The following CCHCR1 variants were observed in gnomAD, a reference collection of about 807,000 sequenced individuals.
The protein encoded by CCHCR1 is HCR (a-helix coiled-coil rod homologue).
CCHCR1 carries 91 observed loss-of-function variants against 114.6 expected under a neutral mutation model. That is an observed-to-expected ratio of 0.79 (90% CI 0.67 to 0.94). The LOEUF is 0.94. Ranked by LOEUF, CCHCR1 falls within the 40% of genes least tolerant of loss-of-function variation. The probability of loss-of-function intolerance (pLI) is 0.00; values close to 1 mark genes in which losing one functional copy is unlikely to be tolerated. For missense variants in CCHCR1, 899 were observed against 1,079.9 expected (o/e 0.83, Z 2.35); for synonymous variants, 379 against 428.5 (o/e 0.88, Z 1.43).
chr6:31,145,616 C>T (rs1774221122), intron 11 of CCHCR1, 80 bp downstream of exon 11: 1 of 1,427,208 alleles, frequency 7.0e-7, no homozygotes, highest in Non-Finnish European at 9.9e-7. Flanking sequence ...GATGTGGGAT[C>T]AGAGAGAGCT....
At chr6:31,149,151 C>CAAAAAAAAA (rs3064836) in intron 8 of CCHCR1, 2 of 120,862 alleles carry the variant, frequency 1.7e-5, no homozygotes, top group African/African-American at 6.4e-5. Context: ...GACTCCTTCT[C>CAAAAAAAAA]AAAAAAAAAA....
In CCHCR1 at chr6:31,154,764, T is replaced by C; in HGVS notation, c.533A>G (p.Gln178Arg). Residue 178 changes from glutamine to arginine, a missense_variant, in exon 4 of 18, where the codon CAG becomes CGG. Gln to Arg is a conservative substitution (Grantham distance 43, BLOSUM62 1). Transcript: ENST00000396268. This position sits in a 1 kb window ranked among gnomAD's most constrained non-coding sequence, Gnocchi z 4.1. Reference protein sequence around the residue: ...WGLEGSQALSQQAEVIVRQLQ... With the variant: ...WGLEGSQALSRQAEVIVRQLQ... ...CTGCCGAACGATCACCTCAGCCTGC[T>C]GGCTCAGGGCCTGTGACCCCTCCAG... is the stretch of plus-strand genomic sequence containing the variant. The C allele has an allele frequency of 5.0e-6, 8 of 1,606,186 alleles. No individual in the cohort carries two copies. The highest frequency in any genetic ancestry group is 6.8e-6 in the Non-Finnish European group (8 of 1,179,882).
intron 3 of CCHCR1, among the ~76,000 whole-genome samples, chr6:31,155,386 C>T (rs1240910249): frequency 1.3e-5 from 2 of 151,942 alleles, no homozygotes; most frequent in Admixed American, 6.6e-5. Flanking sequence ...GGGCGGATCA[C>T]GAGGTCAGGA....
At chr6:31,153,907 G>C (rs1221041868) in intron 4 of CCHCR1, among the ~76,000 whole-genome samples, 1 of 152,166 alleles carries the variant, frequency 6.6e-6, no homozygotes, top group East Asian at 1.9e-4. Context: ...CATGTCAACT[G>C]GTTACAGTGG....
chr6:31,154,339 A>G lies in CCHCR1; in HGVS notation c.801+157T>C, dbSNP rs1775680316. Among the ~76,000 whole-genome samples the G allele has an allele frequency of 6.6e-6, 1 of 152,152 alleles. No individual in the cohort carries two copies. The highest frequency in any genetic ancestry group is 1.5e-5 in the Non-Finnish European group (1 of 68,032). On this transcript the variant is annotated intron_variant, in intron 4 of 17. Coordinates refer to ENST00000396268, the MANE Select transcript of CCHCR1 (RefSeq NM_001105564.2). The surrounding 1 kb of genome is among the most constrained non-coding windows in gnomAD (Gnocchi z 4.1). ...TAAGATAAAAGTACCCAAATTCTCC[A>G]TCTTTCTAGGCCATGTGTGTTTATT...
At chr6:31,156,487 T>C (rs1307565386) in intron 3 of CCHCR1, 8 of 528,358 alleles carry the variant, frequency 1.5e-5, no homozygotes, top group Non-Finnish European at 2.6e-5. Context: ...CTATCTCCCC[T>C]CTTAGGATTT....
chr6:31,148,857 G>GGGGGC, intron 8 of CCHCR1, 129 bp from the exon 9 acceptor site: 1 of 84,500 alleles, frequency 1.2e-5, no homozygotes, highest in Non-Finnish European at 2.4e-5. Context: ...GGGGGGGCGG[G>GGGGGC]CGACGGGGGT....
At chr6:31,153,073 G>A (rs1389451461) in intron 4 of CCHCR1, among the ~76,000 whole-genome samples, 1 of 152,082 alleles carries the variant, frequency 6.6e-6, no homozygotes, top group African/African-American at 2.4e-5. Context: ...TGTCTCCCAG[G>A]TTCAAGCAAT....
chr6:31,153,084 TCTC>T (rs771552505), intron 4 of CCHCR1, among the ~76,000 whole-genome samples: 6 of 152,052 alleles, frequency 3.9e-5, no homozygotes, highest in Non-Finnish European at 8.8e-5. Flanking sequence ...TTCAAGCAAT[TCTC>T]CTGCCTCAGC....
At position 31,145,200 on chromosome 6, in the gene CCHCR1, G is replaced by A. The variant is rs765268981; in HGVS notation, c.1842C>T (p.Leu614=). The A allele has an allele frequency of 1.1e-5, 18 of 1,613,120 alleles. No homozygotes were observed. Among genetic ancestry groups the A allele is most frequent in the Non-Finnish European group, 1.5e-5 (18 of 1,180,050 alleles). The change falls in exon 13 of 18, where the codon CTC becomes CTT. Residue 614 remains leucine (L), a synonymous_variant. Coordinates refer to ENST00000396268, the MANE Select transcript of CCHCR1 (RefSeq NM_001105564.2). The part of the protein sequence containing the change: ...LDAELQLSAR[L]IQQEVGRARE... Reference sequence around the variant, plus strand: ...GAGCCCGGCCCACCTCCTGCTGGATGAGGCGGGCACTCAGCTGCAGTTCTG... The same window carrying A: ...GAGCCCGGCCCACCTCCTGCTGGATAAGGCGGGCACTCAGCTGCAGTTCTG...
chr6:31,145,495 T>C lies in CCHCR1; in HGVS notation c.1694-2A>G, dbSNP rs1311438481. On this transcript the variant is annotated splice_acceptor_variant, in intron 11 of 17. Transcript: ENST00000396268. LOFTEE classifies it high-confidence loss of function. ...GGGCAAGCTTTCGAGCAATCAGGCC[T>C]GGAGGGGAAAAAGCAGGGAGAAAAA... 6.2e-7 allele frequency: 1 copy of C among 1,610,338 alleles called. No homozygotes were observed. The highest frequency in any genetic ancestry group is 1.4e-5 in the African/African-American group (1 of 73,478).
rs759945546 is a variant in CCHCR1, at chr6:31,148,501, A to G, written c.1484T>C (p.Leu495Ser). The part of the protein sequence containing the change: ...VERMGAKGLQ[L>S]ELSRAQEARR... ...GGCCTCCTGAGCACGGCTCAGCTCC[A>G]ACTGCAGGCCCTGGGGAGGATGCAG... The change falls in exon 10 of 18, where the codon TTG (leucine) becomes TCG (serine). Residue 495 changes from leucine to serine, a missense_variant. Transcript: ENST00000396268. The G allele has an allele frequency of 6.2e-7, 1 of 1,612,286 alleles. No individual in the cohort carries two copies. The highest frequency in any genetic ancestry group is 8.5e-7 in the Non-Finnish European group (1 of 1,179,450).
chr6:31,145,749 G>C lies in CCHCR1; in HGVS notation c.1640C>G (p.Pro547Arg). ...AKVEGAAAQL[P>R]SLNNRLSYAV... ...ATAGCTGAGTCGGTTGTTGAGGCTG[G>C]GAAGCTGGGCGGCAGCCCCTTCCAC... is the stretch of plus-strand genomic sequence containing the variant. The change falls in exon 11 of 18, where the codon CCC (proline) becomes CGC (arginine). Residue 547 changes from proline (P) to arginine (R), a missense_variant. Pro to Arg is a moderately radical substitution (Grantham distance 103, BLOSUM62 -2). Coordinates refer to ENST00000396268, the MANE Select transcript of CCHCR1 (RefSeq NM_001105564.2). 2 of 1,613,378 alleles carry C rather than the reference G, an allele frequency of 1.2e-6. No homozygotes were observed. Among genetic ancestry groups the C allele is most frequent in the Non-Finnish European group, 8.5e-7 (1 of 1,180,026 alleles).
chr6:31,146,257 A>G (rs748110052), intron 10 of CCHCR1, among the ~76,000 whole-genome samples: 1 of 152,194 alleles, frequency 6.6e-6, no homozygotes, highest in Non-Finnish European at 1.5e-5. Flanking sequence ...AGGCACGAGA[A>G]TCACTTGAAC....
rs1162295297 is a variant in CCHCR1 at position 31,145,820 on chromosome 6, A to T, written c.1581-12T>A. The T allele has an allele frequency of 6.5e-7, 1 of 1,546,042 alleles. No individual in the cohort carries two copies. The highest frequency in any genetic ancestry group is 1.7e-5 in the Admixed American group (1 of 59,910). On this transcript the variant is annotated splice_polypyrimidine_tract_variant and intron_variant, in intron 10 of 17. Transcript: ENST00000396268. ...GCCAGATCTGAGAGCTGGAGAGGGC[A>T]CAAGTCACTGATCCTCCATGCCTCC...
In CCHCR1 at chr6:31,151,099, G is replaced by A. The variant is rs941846831; in HGVS notation, c.825C>T (p.His275=). The change falls in exon 5 of 18, where the codon CAC becomes CAT. Residue 275 remains histidine, a synonymous_variant. Transcript: ENST00000396268. The surrounding 1 kb of genome is among the most constrained non-coding windows in gnomAD (Gnocchi z 4.1). ...TGGTCAAACTGGAAAGAGCCTCCTC[G>A]TGAGCCTGTGTCAAAGAGGACAGCT... ...QEQLSSLTQA[H]EEALSSLTSK... is the part of the protein sequence containing the mutation. The A allele has an allele frequency of 9.3e-6, 15 of 1,612,818 alleles. No individual in the cohort carries two copies. Among genetic ancestry groups the A allele is most frequent in the Middle Eastern group, 1.6e-4 (1 of 6,084 alleles).
At chr6:31,142,836 G>C in intron 17 of CCHCR1, 120 bp from the exon 18 acceptor site, 4 of 1,498,074 alleles carry the variant, frequency 2.7e-6, no homozygotes, top group Non-Finnish European at 3.6e-6. Flanking sequence ...TCCAAGCTGG[G>C]CATCGCTAAA....
chr6:31,157,377 G>C lies in CCHCR1; in HGVS notation c.216+8C>G, dbSNP rs1776193321. Reference sequence around the variant, plus strand: ...TCATACTTTCAGGATTCTGGGCAGTGCCTCTACCCTCCTCCTTAAGTTTCT... The same window carrying C: ...TCATACTTTCAGGATTCTGGGCAGTCCCTCTACCCTCCTCCTTAAGTTTCT... On this transcript the variant is annotated splice_region_variant and intron_variant, in intron 1 of 17. Transcript: ENST00000396268. 1 of 1,604,562 alleles carries C rather than the reference G, an allele frequency of 6.2e-7. No homozygotes were observed. The highest frequency in any genetic ancestry group is 8.5e-7 in the Non-Finnish European group (1 of 1,172,420).
At chr6:31,157,293 C>CTAACT (rs1466689475) in intron 1 of CCHCR1, 92 bp downstream of exon 1, 2 of 1,230,274 alleles carry the variant, frequency 1.6e-6, no homozygotes, top group Non-Finnish European at 2.4e-6. Flanking sequence ...ACCCAAGCAA[C>CTAACT]TATCAAGTGG....
Sources: allele counts gnomAD v4.1 joint callset (sites outside exome capture counted in the v4.1 genomes callset), GRCh38; gene constraint gnomAD v4.1.1; non-coding constraint Gnocchi (gnomAD v3.1); transcripts MANE v1.5; gene names NCBI Gene and HGNC (gene_info 2026-07-23, HGNC 2026-07-21).